The following C1orf167 variants were observed in gnomAD, a reference collection of about 807,000 sequenced individuals.
The protein encoded by C1orf167 is chromosome 1 open reading frame 167.
A neutral mutation model predicts 176.5 loss-of-function variants in C1orf167; 153 were observed. That is an observed-to-expected ratio of 0.87 (90% confidence interval 0.76 to 0.99). The LOEUF is 0.99. C1orf167 is among the 50% of genes least tolerant of loss of function. The pLI is 0.00. For missense variants in C1orf167, 1,490 were observed against 1,817.7 expected (o/e 0.82, Z 3.28); for synonymous variants, 594 against 752.7 (o/e 0.79, Z 3.45).
At chr1:11,772,894 C>CATTATT (rs1553179315) in intron 8 of C1orf167, among the ~76,000 whole-genome samples, 12 of 66,260 alleles carry the variant, frequency 1.8e-4, no homozygotes, top group African/African-American at 4.5e-4. Context: ...TATTATGGGG[C>CATTATT]ATTATTATTA....
At chr1:11,780,262 C>T (rs146707127) in intron 13 of C1orf167, among the ~76,000 whole-genome samples, 86 of 152,154 alleles carry the variant, frequency 5.7e-4, no homozygotes, top group African/African-American at 3.4e-4. Flanking sequence ...CAGAGAGGTC[C>T]GCTGAGCTGT....
At position 11,778,648 on chromosome 1, in the gene C1orf167, C is replaced by T; in HGVS notation, c.2340-12C>T. On this transcript the variant is annotated splice_polypyrimidine_tract_variant and intron_variant, in intron 10 of 20. Coordinates refer to ENST00000688073, the MANE Select transcript of C1orf167 (RefSeq NM_001010881.2). Reference sequence around the variant, plus strand: ...TGAGGCTGGGTGGGTCACTCACCTGCCCCTTCTCTAGCTCCTTCTTCCAGG... The same window carrying T: ...TGAGGCTGGGTGGGTCACTCACCTGTCCCTTCTCTAGCTCCTTCTTCCAGG... 7.8e-7 allele frequency: 1 copy of T among 1,288,052 alleles called. No homozygotes were observed. Among genetic ancestry groups the T allele is most frequent in the Non-Finnish European group, 1.0e-6 (1 of 977,430 alleles). 79.8% of individuals were successfully genotyped at this position (1,288,052 alleles called of 1,614,324 possible). A position where few individuals can be genotyped will look rare whatever the true frequency, so the allele number is the denominator to read the frequency against.
rs1337075515 is a variant in C1orf167 at position 11,772,132 on chromosome 1, ACT to A, written c.1864_1865del (p.Leu622AlafsTer62). On this transcript the variant is annotated frameshift_variant, in exon 8 of 21. Transcript: ENST00000688073. LOFTEE classifies it high-confidence loss of function. ...GAAACGGGCCAGACAGGAGAGGGAG[ACT>A]CTGCGGAAGGCCACCAGGGCCACAC... ...QKKRARQERETLRKATRATQR... is the reference protein window; with the variant it reads ...QKKRARQEREXLRKATRATQR... The A allele has an allele frequency of 3.1e-6, 4 of 1,303,564 alleles. No homozygotes were observed. Among genetic ancestry groups the A allele is most frequent in the African/African-American group, 3.0e-5 (2 of 65,620 alleles). 80.7% of individuals were successfully genotyped at this position (1,303,564 alleles called of 1,614,324 possible). A position where few individuals can be genotyped will look rare whatever the true frequency, so the allele number is the denominator to read the frequency against.
At chr1:11,763,868 T>C (rs552243370) in intron 1 of C1orf167, among the ~76,000 whole-genome samples, 156 of 151,906 alleles carry the variant, frequency 1.0e-3, no homozygotes, top group African/African-American at 3.5e-3. Flanking sequence ...CAGCCACTGG[T>C]GTGAGGGAGA....
intron 13 of C1orf167, 61 bp from the exon 14 acceptor site, chr1:11,782,128 G>C: frequency 8.4e-7 from 1 of 1,193,124 alleles, no homozygotes; most frequent in South Asian, 1.6e-5. Context: ...GCTGCGTAGA[G>C]GCCCATGGGG....
At chr1:11,767,758 C>T (rs550196065) in intron 4 of C1orf167, among the ~76,000 whole-genome samples, 37 of 152,046 alleles carry the variant, frequency 2.4e-4, no homozygotes, top group Non-Finnish European at 4.3e-4. Flanking sequence ...CCCAGGAGGT[C>T]GAGGCTGCAG....
chr1:11,771,120 T>C (rs1430354516), intron 6 of C1orf167, among the ~76,000 whole-genome samples: 1 of 135,834 alleles, frequency 7.4e-6, no homozygotes, highest in Admixed American at 8.1e-5. Flanking sequence ...AGTTTCACTA[T>C]GTCGGCCAGG....
chr1:11,781,803 G>T (rs991093482), intron 13 of C1orf167, among the ~76,000 whole-genome samples: 1 of 151,870 alleles, frequency 6.6e-6, no homozygotes, highest in Admixed American at 6.6e-5. Context: ...CCAGCTACTC[G>T]GGAGGCTGAG....
At position 11,779,060 on chromosome 1, in the gene C1orf167, C is replaced by G; in HGVS notation, c.2631C>G (p.Tyr877Ter). 8 of 1,264,790 alleles carry G rather than the reference C, an allele frequency of 6.3e-6. No individual in the cohort carries two copies. Among genetic ancestry groups the G allele is most frequent in the Non-Finnish European group, 8.2e-6 (8 of 970,582 alleles). 78.3% of individuals were successfully genotyped at this position (1,264,790 alleles called of 1,614,324 possible). A position where few individuals can be genotyped will look rare whatever the true frequency, so the allele number is the denominator to read the frequency against. Residue 877 changes from tyrosine to a stop codon, truncating the protein, a stop_gained, in exon 12 of 21, where the codon TAC becomes TAG. Transcript: ENST00000688073. LOFTEE classifies it high-confidence loss of function. ...AQQFQGTARW[Y>*]QHTRQRRIFL... ...AGTTCCAGGGCACAGCCAGGTGGTA[C>G]CAGCATACCCGCCAGAGGCGGTAGG...
chr1:11,785,385 G>C, intron 16 of C1orf167, 96 bp downstream of exon 16: 1 of 1,158,498 alleles, frequency 8.6e-7, no homozygotes, highest in Admixed American at 3.4e-5. Flanking sequence ...GGAAACAGGT[G>C]AAGGGAGCCT....
chr1:11,786,765 G>T (rs1643884274), intron 16 of C1orf167: 1 of 152,176 alleles, frequency 6.6e-6, no homozygotes, highest in Non-Finnish European at 1.5e-5. Context: ...TTTTTAAATG[G>T]AATTGAAAGG....
chr1:11,780,144 CT>C, intron 13 of C1orf167, 134 bp downstream of exon 13: 1 of 551,204 alleles, frequency 1.8e-6, no homozygotes. Flanking sequence ...TAAGCTACAT[CT>C]GGACTCCTGA....
intron 6 of C1orf167, among the ~76,000 whole-genome samples, chr1:11,771,070 T>TATA (rs1491455421): frequency 1.3e-3 from 29 of 23,160 alleles, no homozygotes; most frequent in South Asian, 6.0e-3. Context: ...TATATATATA[T>TATA]TTTTTTTTTT....
chr1:11,766,907 C>T lies in C1orf167; in HGVS notation c.1121C>T (p.Pro374Leu). 8.1e-7 allele frequency: 1 copy of T among 1,230,940 alleles called. No individual in the cohort carries two copies. Among genetic ancestry groups the T allele is most frequent in the Non-Finnish European group, 1.0e-6 (1 of 958,610 alleles). 76.3% of individuals were successfully genotyped at this position (1,230,940 alleles called of 1,614,324 possible). A position where few individuals can be genotyped will look rare whatever the true frequency, so the allele number is the denominator to read the frequency against. ...GCACAGAGGGGTGACCCCAGTCTCC[C>T]TCGAGGGGTGGGAAGCAGGGGGACC... ...GRAQRGDPSL[P>L]RGVGSRGTDP... Residue 374 changes from proline (P) to leucine (L), a missense_variant, in exon 3 of 21, where the codon CCT becomes CTT. Pro to Leu is a moderately conservative substitution (Grantham distance 98). Coordinates refer to ENST00000688073, the MANE Select transcript of C1orf167 (RefSeq NM_001010881.2). This position sits in a 1 kb window ranked among gnomAD's most constrained non-coding sequence, Gnocchi z 4.5.
intron 9 of C1orf167, 117 bp downstream of exon 9, chr1:11,775,727 A>C: frequency 8.4e-7 from 1 of 1,190,268 alleles, no homozygotes; most frequent in Non-Finnish European, 1.1e-6. Context: ...GCTTTCTAGG[A>C]GGGCAGCCTG....
chr1:11,776,368 G>C, intron 9 of C1orf167, 96 bp from the exon 10 acceptor site: 1 of 1,121,404 alleles, frequency 8.9e-7, no homozygotes, highest in Non-Finnish European at 1.1e-6. Flanking sequence ...AGAGGGGAGA[G>C]CTCCCAAGAG....
At position 11,788,745 on chromosome 1, in the gene C1orf167, G is replaced by A; in HGVS notation, c.4172G>A (p.Trp1391Ter). Residue 1391 changes from tryptophan (W) to a stop codon, truncating the protein, a stop_gained and splice_region_variant, in exon 20 of 21, where the codon TGG becomes TAG. Transcript: ENST00000688073. LOFTEE classifies it low-confidence loss of function (END_TRUNC). ...SGSAVTAAGR[W>*]AFKKWHQRLA... ...TCAGCAGTTACAGCAGCAGGAAGAT[G>A]GGTGGGTCCTTTCCCAGGTACTGCC... The A allele has an allele frequency of 7.7e-7, 1 of 1,304,158 alleles. No homozygotes were observed. The highest frequency in any genetic ancestry group is 1.0e-6 in the Non-Finnish European group (1 of 988,920). 80.8% of individuals were successfully genotyped at this position (1,304,158 alleles called of 1,614,324 possible).
chr1:11,766,721 C>T lies in C1orf167; in HGVS notation c.935C>T (p.Pro312Leu), dbSNP rs554168402. ...GAAACTGCGGCTTTCTTGGAGACCC[C>T]GGCTAGTCTCTCAGACTCTTGGGCA... ...HRETAAFLET[P>L]ASLSDSWAQS... Residue 312 changes from proline (P) to leucine (L), a missense_variant, in exon 3 of 21, where the codon CCG becomes CTG. Pro to Leu is a moderately conservative substitution (Grantham distance 98). Transcript: ENST00000688073. The surrounding 1 kb of genome is among the most constrained non-coding windows in gnomAD (Gnocchi z 4.5). The T allele has an allele frequency of 7.5e-5, 97 of 1,289,780 alleles. 2 individuals are homozygous for T. In the South Asian group the frequency reaches 9.6e-4, roughly 13 times the overall value. The allele number at this position is 1,289,780 out of a possible 1,614,324, so 79.9% of individuals were successfully genotyped here.
chr1:11,787,327 C>CG, intron 16 of C1orf167, 61 bp from the exon 17 acceptor site: 2 of 1,088,510 alleles, frequency 1.8e-6, no homozygotes, highest in Non-Finnish European at 1.2e-6. Context: ...GAAATCCCAG[C>CG]GGGGCCCCAG....
Sources: allele counts gnomAD v4.1 joint callset (sites outside exome capture counted in the v4.1 genomes callset), GRCh38; gene constraint gnomAD v4.1.1; non-coding constraint Gnocchi (gnomAD v3.1); transcripts MANE v1.5; gene names NCBI Gene and HGNC (gene_info 2026-07-23, HGNC 2026-07-21).